WDR70: variants seen among roughly 807,000 people sequenced by gnomAD.
WDR70 encodes the protein WD repeat-containing protein 70.
In WDR70, 53 loss-of-function variants were observed where a neutral mutation model predicts 88.6. The observed-to-expected ratio is 0.60, with a 90% CI of 0.48 to 0.75. The LOEUF is 0.75. Ranked by LOEUF, WDR70 falls within the 30% of genes least tolerant of loss-of-function variation. WDR70 has a pLI of 0.00. For missense variants in WDR70, 610 were observed against 823.2 expected, an observed-to-expected ratio of 0.74 and a Z score of 3.17; for synonymous variants, 280 against 270.0, an observed-to-expected ratio of 1.04 and a Z score of -0.36.
chr5:37,421,253 G>C (rs1280035193), intron 5 of WDR70, among the ~76,000 whole-genome samples: 1 of 152,138 alleles, frequency 6.6e-6, no homozygotes, highest in Non-Finnish European at 1.5e-5. Flanking sequence ...CTGCTTCTCA[G>C]GGTCATCTCG....
At chr5:37,560,793 G>T (rs920676649) in intron 9 of WDR70, among the ~76,000 whole-genome samples, 1 of 150,620 alleles carries the variant, frequency 6.6e-6, no homozygotes, top group Non-Finnish European at 1.5e-5. Flanking sequence ...TACATGAACA[G>T]GGCTTGCAGA....
chr5:37,425,532 G>GA (rs909781468), intron 5 of WDR70, among the ~76,000 whole-genome samples: 1 of 152,190 alleles, frequency 6.6e-6, no homozygotes, highest in African/African-American at 2.4e-5. Flanking sequence ...GCACGTTCAT[G>GA]AAAAAAGCTC....
chr5:37,530,244 CA>C (rs1741440172), intron 9 of WDR70, among the ~76,000 whole-genome samples: 1 of 151,798 alleles, frequency 6.6e-6, no homozygotes, highest in African/African-American at 2.4e-5. Flanking sequence ...TTTTACATCT[CA>C]GGGATATTGG....
intron 8 of WDR70, among the ~76,000 whole-genome samples, chr5:37,489,389 G>A (rs1252519242): frequency 6.6e-6 from 1 of 152,108 alleles, no homozygotes; most frequent in East Asian, 1.9e-4. Context: ...GCAACACCTG[G>A]GCTTCCAGGT....
At chr5:37,631,784 T>C (rs529986436) in intron 10 of WDR70, among the ~76,000 whole-genome samples, 2 of 152,298 alleles carry the variant, frequency 1.3e-5, no homozygotes, top group African/African-American at 2.4e-5. Context: ...CATTTTCCTC[T>C]ACGGGTTGTT....
intron 9 of WDR70, among the ~76,000 whole-genome samples, chr5:37,558,542 T>G (rs942666787): frequency 2.0e-5 from 3 of 152,004 alleles, no homozygotes; most frequent in Admixed American, 2.0e-4. Flanking sequence ...CCCACGCTGG[T>G]CTTGAACTCC....
chr5:37,421,476 A>G (rs1164215756), intron 5 of WDR70, among the ~76,000 whole-genome samples: 1 of 152,006 alleles, frequency 6.6e-6, no homozygotes, highest in Non-Finnish European at 1.5e-5. Flanking sequence ...GACCTTTTTC[A>G]TTTTTCAGAA....
intron 9 of WDR70, among the ~76,000 whole-genome samples, chr5:37,589,865 G>A (rs1466192803): frequency 1.3e-5 from 2 of 152,234 alleles, no homozygotes; most frequent in Non-Finnish European, 1.5e-5. Flanking sequence ...GTCTTGCAGA[G>A]TGCAGGGATT....
chr5:37,676,966 G>A (rs1168366961), intron 10 of WDR70, among the ~76,000 whole-genome samples: 3 of 152,126 alleles, frequency 2.0e-5, no homozygotes, highest in South Asian at 2.1e-4. Context: ...GTCTTGGGAG[G>A]GTGTATGTGT....
In WDR70 at chr5:37,446,852, A is replaced by G. The variant is rs180726772; in HGVS notation, c.686+3480A>G. Among the ~76,000 whole-genome samples, 802 of 152,282 alleles carry G rather than the reference A, an allele frequency of 5.3e-3. 6 individuals are homozygous for G. Among genetic ancestry groups the G allele is most frequent in the South Asian group, 0.023 (113 of 4,828 alleles). On this transcript the variant is annotated intron_variant, in intron 7 of 17. Transcript: ENST00000265107. ...CATAAAAACCCTAGAAGAAAACCTAAGCAATACCATTCAGGACATAGGCAT... is the reference window on the plus strand; with the variant it reads ...CATAAAAACCCTAGAAGAAAACCTAGGCAATACCATTCAGGACATAGGCAT...
At chr5:37,422,294 CT>C (rs1554138505) in intron 5 of WDR70, among the ~76,000 whole-genome samples, 88 of 145,756 alleles carry the variant, frequency 6.0e-4, no homozygotes, top group Middle Eastern at 3.6e-3. Context: ...TTCCTTTTTT[CT>C]TTTTTTTTTT....
intron 9 of WDR70, among the ~76,000 whole-genome samples, chr5:37,526,149 T>A (rs902283178): frequency 1.3e-5 from 2 of 152,148 alleles, no homozygotes; most frequent in Non-Finnish European, 2.9e-5. Context: ...CAGCATCATC[T>A]TGATAGCAAA....
intron 9 of WDR70, among the ~76,000 whole-genome samples, chr5:37,528,231 A>G (rs201194404): frequency 1.3e-5 from 2 of 152,216 alleles, no homozygotes; most frequent in Non-Finnish European, 2.9e-5. Context: ...AACCAACCCA[A>G]ATGTCCATCA....
At chr5:37,561,523 G>C (rs1742502419) in intron 9 of WDR70, among the ~76,000 whole-genome samples, 1 of 152,206 alleles carries the variant, frequency 6.6e-6, no homozygotes, top group Non-Finnish European at 1.5e-5. Flanking sequence ...AGCCACCTTG[G>C]TGGGGAAATG....
intron 9 of WDR70, among the ~76,000 whole-genome samples, chr5:37,567,700 A>G (rs1195038477): frequency 6.6e-6 from 1 of 152,160 alleles, no homozygotes; most frequent in African/African-American, 2.4e-5. Flanking sequence ...TCATCATAAA[A>G]AAAAGGGGAG....
intron 10 of WDR70, among the ~76,000 whole-genome samples, chr5:37,697,233 C>T (rs897241019): frequency 1.1e-4 from 16 of 152,254 alleles, no homozygotes; most frequent in African/African-American, 3.9e-4. Context: ...TATGGCATAT[C>T]CTAGGAATAC....
At chr5:37,485,874 T>G (rs1316265949) in intron 8 of WDR70, among the ~76,000 whole-genome samples, 19 of 81,336 alleles carry the variant, frequency 2.3e-4, no homozygotes, top group Admixed American at 5.4e-4. Flanking sequence ...TTTTTTTTTT[T>G]TTTTTTTTTT....
intron 10 of WDR70, among the ~76,000 whole-genome samples, chr5:37,608,340 A>T (rs756686381): frequency 6.6e-6 from 1 of 151,122 alleles, no homozygotes; most frequent in African/African-American, 2.4e-5. Context: ...ACGCCTGGCC[A>T]TTCTGCAGCA....
Position 37,381,476 on chromosome 5 carries a change from T to G in WDR70, c.92-126T>G, listed in dbSNP as rs1748422033. ...CTCAAACTCCTTCTTCTGTGATATA[T>G]TATGGTTATATTGGAGCCATGCTAT... On this transcript the variant is annotated intron_variant, in intron 2 of 17. Transcript: ENST00000265107. The G allele has an allele frequency of 1.1e-5, 8 of 732,546 alleles. No homozygotes were observed. The East Asian group carries it at 2.5e-4, about 23-fold the overall frequency. The allele number at this position is 732,546 out of a possible 1,614,324, so 45.4% of individuals were successfully genotyped here. A position where few individuals can be genotyped will look rare whatever the true frequency, so the allele number is the denominator to read the frequency against.
Sources: allele counts gnomAD v4.1 joint callset (sites outside exome capture counted in the v4.1 genomes callset), GRCh38; gene constraint gnomAD v4.1.1; transcripts MANE v1.5; gene names NCBI Gene and HGNC (gene_info 2026-07-23, HGNC 2026-07-21).